Variants in MAP7D2 observed in about 807,000 individuals in gnomAD.
MAP7D2 encodes MAP7 domain-containing protein 2.
MAP7D2 carries 33 observed loss-of-function variants against 63.5 expected under a neutral mutation model. The observed-to-expected ratio is 0.52, with a 90% CI of 0.39 to 0.70. The LOEUF is 0.70. Ranked by LOEUF, MAP7D2 falls within the 30% of genes least tolerant of loss-of-function variation. The probability of loss-of-function intolerance (pLI) is 0.00; values close to 1 mark genes in which losing one functional copy is unlikely to be tolerated. For synonymous variants in MAP7D2, 224 were observed against 223.7 expected (o/e 1.00, Z -0.01); for missense variants, 626 against 604.0 (o/e 1.04, Z -0.38).
intron 1 of MAP7D2, among the ~76,000 whole-genome samples, chrX:20,085,182 T>C (rs1345564640): frequency 8.9e-6 from 1 of 112,055 alleles, no homozygotes; most frequent in Non-Finnish European, 1.9e-5. Flanking sequence ...CTCTTAGTCA[T>C]AATCCCTGTT....
At chrX:20,055,946 CT>C (rs1003290348) in intron 4 of MAP7D2, 1 of 320,070 alleles carries the variant, frequency 3.1e-6, no homozygotes, top group African/African-American at 2.8e-5. Flanking sequence ...GGGTTGTTGA[CT>C]TTTCAAAAAA....
intron 8 of MAP7D2, among the ~76,000 whole-genome samples, chrX:20,032,868 C>T (rs747558066): frequency 3.6e-5 from 4 of 112,362 alleles, no homozygotes; most frequent in Non-Finnish European, 7.5e-5. Flanking sequence ...ACAGCTTCCG[C>T]TTCCTGACCC....
intron 1 of MAP7D2, among the ~76,000 whole-genome samples, chrX:20,083,024 G>A (rs1425809004): frequency 8.9e-6 from 1 of 111,861 alleles, no homozygotes; most frequent in African/African-American, 3.3e-5. Flanking sequence ...AAACAGCCTC[G>A]CAGTTATCTC....
intron 8 of MAP7D2, among the ~76,000 whole-genome samples, chrX:20,035,495 T>TA (rs1374830021): frequency 4.5e-5 from 5 of 112,025 alleles, no homozygotes; most frequent in African/African-American, 1.6e-4. Flanking sequence ...AAATTAAATT[T>TA]TTTTTCTCTA....
At chrX:20,035,994 A>G (rs2074219654) in intron 8 of MAP7D2, among the ~76,000 whole-genome samples, 1 of 109,830 alleles carries the variant, frequency 9.1e-6, no homozygotes, top group Non-Finnish European at 1.9e-5. Flanking sequence ...CTTCTTCAAC[A>G]TTTTCGACTT....
chrX:20,078,065 T>C (rs1339583438), intron 1 of MAP7D2, among the ~76,000 whole-genome samples: 2 of 112,041 alleles, frequency 1.8e-5, no homozygotes, highest in East Asian at 5.6e-4. Context: ...CATACACATG[T>C]ACTCAGCCAC....
intron 1 of MAP7D2, among the ~76,000 whole-genome samples, chrX:20,067,663 T>G (rs115131078): frequency 0.027 from 2,993 of 111,459 alleles, 120 homozygotes; most frequent in African/African-American, 0.094. Context: ...TTTCCTAATC[T>G]CTCACATCTG....
At chrX:20,115,274 C>CAAATAAA (rs2066863588) in intron 1 of MAP7D2, among the ~76,000 whole-genome samples, 1 of 101,755 alleles carries the variant, frequency 9.8e-6, no homozygotes, top group South Asian at 4.6e-4. Context: ...TAAGTTCCTT[C>CAAATAAA]AAATAAAATC....
At chrX:20,051,659 G>C (rs749812328) in intron 5 of MAP7D2, among the ~76,000 whole-genome samples, 1 of 111,660 alleles carries the variant, frequency 9.0e-6, no homozygotes, top group African/African-American at 3.2e-5. Context: ...GCGCTAAGAA[G>C]CATTTCATAA....
intron 8 of MAP7D2, among the ~76,000 whole-genome samples, chrX:20,039,317 T>C (rs771180700): frequency 9.8e-5 from 11 of 112,462 alleles, no homozygotes; most frequent in Non-Finnish European, 1.7e-4. Flanking sequence ...GAAACTATTG[T>C]CATTTCCTTT....
rs183520882 is a variant in MAP7D2 at position 20,059,050 on chromosome X, C to T, written c.373-2259G>A. Among the ~76,000 whole-genome samples the T allele has an allele frequency of 6.6e-3, 744 of 112,032 alleles. 2 individuals carry two copies. The highest frequency in any genetic ancestry group is 0.018 in the Middle Eastern group (4 of 218). ...ACATTGCAGTCCTGGGCTTCAGTTTCCTTGCCTATAAAATGGGGATGAGCT... is the reference window on the plus strand; with the variant it reads ...ACATTGCAGTCCTGGGCTTCAGTTTTCTTGCCTATAAAATGGGGATGAGCT... On this transcript the variant is annotated intron_variant, in intron 3 of 16. Transcript: ENST00000379643.
At chrX:20,075,966 A>AT (rs1277987933) in intron 1 of MAP7D2, among the ~76,000 whole-genome samples, 9 of 109,412 alleles carry the variant, frequency 8.2e-5, no homozygotes, top group African/African-American at 2.7e-4. Context: ...TCTTCCGAGC[A>AT]TTTTTTTGGG....
intron 1 of MAP7D2, among the ~76,000 whole-genome samples, chrX:20,079,194 C>T (rs1196151732): frequency 4.5e-5 from 5 of 110,721 alleles, no homozygotes; most frequent in African/African-American, 1.6e-4. Flanking sequence ...TGTATTTGGA[C>T]TCCAAGGGCA....
At chrX:20,108,836 T>G (rs2066646522) in intron 1 of MAP7D2, among the ~76,000 whole-genome samples, 1 of 103,954 alleles carries the variant, frequency 9.6e-6, no homozygotes. Context: ...TGACCACAGT[T>G]AACAGCAAGA....
intron 1 of MAP7D2, among the ~76,000 whole-genome samples, chrX:20,094,494 A>ATATATATATATATATG: frequency 5.8e-5 from 1 of 17,312 alleles, no homozygotes; most frequent in Non-Finnish European, 9.9e-5. Flanking sequence ...ATACATATAT[A>ATATATATATATATATG]TATATATATA....
intron 8 of MAP7D2, among the ~76,000 whole-genome samples, chrX:20,041,170 G>A (rs2064645251): frequency 9.0e-6 from 1 of 111,322 alleles, no homozygotes; most frequent in Admixed American, 9.6e-5. Context: ...TAATGCAAAT[G>A]TCCAAAATTA....
chrX:20,027,840 C>G (rs1299580841), intron 8 of MAP7D2, among the ~76,000 whole-genome samples: 1 of 105,214 alleles, frequency 9.5e-6, no homozygotes, highest in African/African-American at 3.5e-5. Flanking sequence ...CTGTCTGTAC[C>G]CAGTAGGTAA....
At chrX:20,047,577 C>T (rs1416428763) in intron 6 of MAP7D2, among the ~76,000 whole-genome samples, 7 of 105,370 alleles carry the variant, frequency 6.6e-5, no homozygotes, top group Non-Finnish European at 1.2e-4. Context: ...TTTGGGAGGC[C>T]GAGGTGGGAG....
intron 1 of MAP7D2, among the ~76,000 whole-genome samples, chrX:20,100,461 T>C (rs757047407): frequency 4.5e-5 from 5 of 111,995 alleles, no homozygotes; most frequent in Non-Finnish European, 9.4e-5. Context: ...CCTGTGAATA[T>C]GCTATCCCAT....
Sources: allele counts gnomAD v4.1 joint callset (sites outside exome capture counted in the v4.1 genomes callset), GRCh38; gene constraint gnomAD v4.1.1; transcripts MANE v1.5; gene names NCBI Gene and HGNC (gene_info 2026-07-23, HGNC 2026-07-21).